The following FSTL4 variants were observed in gnomAD, a reference collection of about 807,000 sequenced individuals.
FSTL4 encodes the protein follistatin like 4, also known as follistatin-related protein 4.
FSTL4 carries 28 observed loss-of-function variants against 78.2 expected under a neutral mutation model. The ratio of observed to expected loss-of-function variants is 0.36; its 90% CI spans 0.27 to 0.49. The LOEUF (loss-of-function observed/expected upper bound fraction) is 0.49. FSTL4 is among the 20% of genes least tolerant of loss of function. The pLI is 0.98. For synonymous variants in FSTL4, 422 were observed against 440.5 expected (o/e 0.96, Z 0.53); for missense variants, 922 against 1,084.9 (o/e 0.85, Z 2.11).
the FSTL4 span, among the ~76,000 whole-genome samples, chr5:133,623,375 G>A: frequency 6.6e-6 from 1 of 151,918 alleles, no homozygotes; most frequent in Non-Finnish European, 1.5e-5. Flanking sequence ...TTTCAACAAG[G>A]GTTCTAAGAC....
At chr5:133,681,218 G>C in the FSTL4 span, among the ~76,000 whole-genome samples, 1 of 152,210 alleles carries the variant, frequency 6.6e-6, no homozygotes, top group Non-Finnish European at 1.5e-5. Flanking sequence ...GGCAGACCCC[G>C]GGCAGTCCTT....
At chr5:133,474,996 T>C (rs1276027440) in intron 3 of FSTL4, among the ~76,000 whole-genome samples, 1 of 152,138 alleles carries the variant, frequency 6.6e-6, no homozygotes, top group Non-Finnish European at 1.5e-5. Context: ...CCAAAGGCTG[T>C]CCTCAGCAGA....
intron 3 of FSTL4, among the ~76,000 whole-genome samples, chr5:133,421,312 G>T (rs912642357): frequency 6.6e-6 from 1 of 152,370 alleles, no homozygotes; most frequent in East Asian, 1.9e-4. Flanking sequence ...GTTGGATGTT[G>T]TCTGTCTGTA....
intron 13 of FSTL4, among the ~76,000 whole-genome samples, chr5:133,215,948 G>A (rs1750892225): frequency 6.6e-6 from 1 of 152,108 alleles, no homozygotes; most frequent in Non-Finnish European, 1.5e-5. Flanking sequence ...AGGTAATCCA[G>A]GATAATCTCA....
chr5:133,530,296 T>C (rs1343393055), intron 3 of FSTL4, among the ~76,000 whole-genome samples: 1 of 152,162 alleles, frequency 6.6e-6, no homozygotes, highest in Non-Finnish European at 1.5e-5. Flanking sequence ...ATAGCACCGT[T>C]AGGAGCCGCA....
At position 133,612,037 on chromosome 5, in the gene FSTL4, T is replaced by G. The variant is rs1183995745; in HGVS notation, c.-11+288A>C. Among the ~76,000 whole-genome samples, 1 of 151,366 alleles carries G rather than the reference T, an allele frequency of 6.6e-6. No homozygotes were observed. Among genetic ancestry groups the G allele is most frequent in the Non-Finnish European group, 1.5e-5 (1 of 67,796 alleles). The stretch of plus-strand genomic sequence containing the variant: ...CCGCGTGCCAACCGGGTCACTCCGG[T>G]CCCCACCGTAGACCCCGGCCACGAG... On this transcript the variant is annotated intron_variant, in intron 1 of 15. Coordinates refer to ENST00000265342, the MANE Select transcript of FSTL4 (RefSeq NM_015082.2). This position sits in a 1 kb window ranked among gnomAD's most constrained non-coding sequence, Gnocchi z 6.2.
At chr5:133,386,416 C>T (rs1305834101) in intron 4 of FSTL4, among the ~76,000 whole-genome samples, 1 of 152,178 alleles carries the variant, frequency 6.6e-6, no homozygotes, top group Non-Finnish European at 1.5e-5. Flanking sequence ...CTCAACTGTG[C>T]ATCTTGTTTT....
At chr5:133,485,698 C>T (rs956568392) in intron 3 of FSTL4, among the ~76,000 whole-genome samples, 4 of 152,186 alleles carry the variant, frequency 2.6e-5, no homozygotes, top group South Asian at 2.1e-4. Flanking sequence ...GCTGCAGCAA[C>T]GTTCGGGTCC....
At chr5:133,206,747 T>G (rs1441745394) in intron 14 of FSTL4, among the ~76,000 whole-genome samples, 1 of 152,228 alleles carries the variant, frequency 6.6e-6, no homozygotes, top group East Asian at 1.9e-4. Flanking sequence ...TTTGCTTTTT[T>G]CTTTATTGGG....
intron 2 of FSTL4, among the ~76,000 whole-genome samples, chr5:133,575,519 C>G (rs1489413472): frequency 6.6e-6 from 1 of 152,174 alleles, no homozygotes; most frequent in African/African-American, 2.4e-5. Flanking sequence ...CCATCATCAA[C>G]AACATTACCA....
chr5:133,830,315 GC>G, the FSTL4 span, among the ~76,000 whole-genome samples: 1 of 152,228 alleles, frequency 6.6e-6, no homozygotes, highest in Non-Finnish European at 1.5e-5. Context: ...TGTCAGAAGA[GC>G]CAGCCACTTG....
intron 6 of FSTL4, among the ~76,000 whole-genome samples, chr5:133,255,906 T>G (rs1293215781): frequency 6.6e-6 from 1 of 152,216 alleles, no homozygotes; most frequent in Non-Finnish European, 1.5e-5. Flanking sequence ...TTGAACTCGA[T>G]AAGACACTCA....
chr5:133,437,486 T>TTTC (rs1757059049), intron 3 of FSTL4, among the ~76,000 whole-genome samples: 1 of 22,172 alleles, frequency 4.5e-5, no homozygotes, highest in Non-Finnish European at 9.6e-5. Flanking sequence ...TAAATAGGTG[T>TTTC]TTTTTTTTTT....
chr5:133,345,258 C>T (rs186339804), intron 4 of FSTL4, among the ~76,000 whole-genome samples: 276 of 152,240 alleles, frequency 1.8e-3, no homozygotes, highest in Middle Eastern at 0.01. Flanking sequence ...CCTTTGCCCA[C>T]CTTTAGATGG....
chr5:133,839,290 G>C, the FSTL4 span, among the ~76,000 whole-genome samples: 1 of 152,144 alleles, frequency 6.6e-6, no homozygotes, highest in African/African-American at 2.4e-5. Context: ...CGCTCCTCAT[G>C]GTCCACTCTA....
intron 4 of FSTL4, among the ~76,000 whole-genome samples, chr5:133,384,088 G>C (rs908803028): frequency 2.0e-5 from 3 of 152,224 alleles, no homozygotes; most frequent in South Asian, 4.1e-4. Flanking sequence ...CTCTGAGGCT[G>C]GTGGATGAGG....
At chr5:133,437,492 T>G (rs112253633) in intron 3 of FSTL4, among the ~76,000 whole-genome samples, 3 of 142,560 alleles carry the variant, frequency 2.1e-5, no homozygotes, top group Admixed American at 6.8e-5. Flanking sequence ...GGTGTTTTTT[T>G]TTTTTTTTTT....
chr5:133,581,075 A>G (rs1341552887), intron 2 of FSTL4, among the ~76,000 whole-genome samples: 1 of 152,194 alleles, frequency 6.6e-6, no homozygotes, highest in Non-Finnish European at 1.5e-5. Flanking sequence ...CCCCATACAC[A>G]CTTTGATTAG....
rs530591042 is a variant in FSTL4, at chr5:133,213,013, ATT to A, written c.1609-2717_1609-2716del. ...ACTCAGTGAAGAATAGAAAGTAAAG[ATT>A]TTTTTTTTTTTTTTTGAGACGGAGT... On this transcript the variant is annotated intron_variant, in intron 13 of 15. Transcript: ENST00000265342. 1.9e-3 allele frequency among the ~76,000 whole-genome samples: 268 copies of A among 141,362 alleles called. 1 individual carries two copies. The highest frequency in any genetic ancestry group is 0.016 in the East Asian group (77 of 4,830). 92.7% of individuals were successfully genotyped at this position (141,362 alleles called of 152,430 possible). A position where few individuals can be genotyped will look rare whatever the true frequency, so the allele number is the denominator to read the frequency against.
Sources: allele counts gnomAD v4.1 joint callset (sites outside exome capture counted in the v4.1 genomes callset), GRCh38; gene constraint gnomAD v4.1.1; non-coding constraint Gnocchi (gnomAD v3.1); transcripts MANE v1.5; gene names NCBI Gene and HGNC (gene_info 2026-07-23, HGNC 2026-07-21).